Variants in WIZ observed in about 807,000 individuals in gnomAD.
WIZ encodes protein Wiz.
A neutral mutation model predicts 140.2 loss-of-function variants in WIZ; 25 were observed. The observed-to-expected ratio is 0.18, with a 90% CI of 0.13 to 0.25. WIZ has a LOEUF of 0.25. Among genes scored for constraint, WIZ ranks in the 10% least tolerant of loss-of-function variants. WIZ has a pLI of 1.00. For missense variants in WIZ, 2,231 were observed against 2,632.6 expected, an observed-to-expected ratio of 0.85 and a Z score of 3.34; for synonymous variants, 1,125 against 1,154.3, an observed-to-expected ratio of 0.97 and a Z score of 0.51.
In WIZ at chr19:15,424,739, C is replaced by T. The variant is rs776151852; in HGVS notation, c.5188G>A (p.Gly1730Ser). The T allele has an allele frequency of 2.2e-5, 35 of 1,569,176 alleles. No individual in the cohort carries two copies. Among genetic ancestry groups the T allele is most frequent in the Admixed American group, 2.2e-4 (12 of 55,644 alleles). ...GLAPGGLAVV[G>S]RSAGGEPGPE... The stretch of plus-strand genomic sequence containing the variant: ...CCTGGCTCCCCTCCGGCACTGCGGC[C>T]GACCACGGCCAGGCCCCCGGGTGCC... The change falls in exon 11 of 13, where the codon GGC (glycine) becomes AGC (serine). Residue 1730 changes from glycine to serine, a missense_variant. This residue lies in a region of WIZ where 299 missense variants were observed against 309.6 expected (regional missense o/e 0.97). Transcript: ENST00000673675. This position sits in a 1 kb window ranked among gnomAD's most constrained non-coding sequence, Gnocchi z 9.7.
chr19:15,445,676 G>A (rs978617096), intron 2 of WIZ, among the ~76,000 whole-genome samples: 4 of 152,124 alleles, frequency 2.6e-5, no homozygotes, highest in African/African-American at 7.2e-5. Flanking sequence ...ACTCTTCATC[G>A]ATCCATACAG....
chr19:15,426,833 T>TA, intron 9 of WIZ, 149 bp downstream of exon 9: 1 of 883,200 alleles, frequency 1.1e-6, no homozygotes, highest in Admixed American at 2.7e-5. Context: ...GGGGTCTGCA[T>TA]AGCAGGAATA....
chr19:15,436,751 G>A (rs1679867347), intron 5 of WIZ, 55 bp downstream of exon 5: 1 of 1,473,468 alleles, frequency 6.8e-7, no homozygotes, highest in East Asian at 2.6e-5. Context: ...CCCCTCCAAT[G>A]CTCTGGGCCC....
chr19:15,436,490 A>C (rs1969519269), intron 5 of WIZ: 1 of 293,116 alleles, frequency 3.4e-6, no homozygotes, highest in African/African-American at 2.2e-5. Context: ...GTGAGGATGT[A>C]AATGAGTTCA....
At position 15,437,052 on chromosome 19, in the gene WIZ, GGCCGGCCCGTGTGTCGAA is replaced by G; in HGVS notation, c.2476_2493del (p.Phe826_Gly831del). ...AGGTGGGCCCGGGCGTGGCTGGAGAGGCCGGCCCGTGTGTCGAAGCCAGCCCCGCAGAAGTCACAGCGC... is the reference window on the plus strand; with the variant it reads ...AGGTGGGCCCGGGCGTGGCTGGAGAGGCCAGCCCCGCAGAAGTCACAGCGC... On this transcript the variant is annotated inframe_deletion, in exon 5 of 13. Transcript: ENST00000673675. 6.2e-7 allele frequency: 1 copy of G among 1,613,512 alleles called. No individual in the cohort carries two copies. Among genetic ancestry groups the G allele is most frequent in the Non-Finnish European group, 8.5e-7 (1 of 1,179,804 alleles).
chr19:15,425,282 G>A lies in WIZ; in HGVS notation c.4853C>T (p.Pro1618Leu), dbSNP rs762951929. 8 of 1,592,000 alleles carry A rather than the reference G, an allele frequency of 5.0e-6. No homozygotes were observed. In the African/African-American group the frequency reaches 6.7e-5, roughly 13 times the overall value. ...CTCATGAAGGGTCTTTGCCTTGAAGGGCAGTTCAGTCTGGATGTAGGTCTT... is the reference window on the plus strand; with the variant it reads ...CTCATGAAGGGTCTTTGCCTTGAAGAGCAGTTCAGTCTGGATGTAGGTCTT... ...KAKTYIQTELPFKAKTLHEKT... is the reference protein window; with the variant it reads ...KAKTYIQTELLFKAKTLHEKT... The change falls in exon 10 of 13, where the codon CCC becomes CTC. Residue 1618 changes from proline (P) to leucine (L), a missense_variant. This residue lies in a region of WIZ where 393 missense variants were observed against 451.7 expected (regional missense o/e 0.87). Coordinates refer to ENST00000673675, the MANE Select transcript of WIZ (RefSeq NM_001371589.1).
chr19:15,426,912 AC>A (rs755950391), intron 9 of WIZ, 69 bp downstream of exon 9: 5 of 1,521,382 alleles, frequency 3.3e-6, no homozygotes, highest in South Asian at 1.3e-5. Flanking sequence ...CACTCTGGAT[AC>A]CCCCAAGGGG....
In WIZ at chr19:15,439,642, G is replaced by A. The variant is rs1236474616; in HGVS notation, c.1352C>T (p.Ala451Val). Residue 451 changes from alanine (A) to valine (V), a missense_variant, in exon 4 of 13, where the codon GCC becomes GTC. By Grantham distance (64) the Ala-to-Val change is moderately conservative. This residue lies in a region of WIZ where 475 missense variants were observed against 520.2 expected (regional missense o/e 0.91). Coordinates refer to ENST00000673675, the MANE Select transcript of WIZ (RefSeq NM_001371589.1). This position sits in a 1 kb window ranked among gnomAD's most constrained non-coding sequence, Gnocchi z 7.0. The part of the protein sequence containing the change: ...GAGSPSPEAS[A>V]LLYQPYGAAV... Reference sequence around the variant, plus strand: ...AGCTCCGTAGGGCTGATAGAGGAGGGCGCTGGCCTCAGGGCTGGGGCTGCC... The same window carrying A: ...AGCTCCGTAGGGCTGATAGAGGAGGACGCTGGCCTCAGGGCTGGGGCTGCC... The A allele has an allele frequency of 6.7e-7, 1 of 1,494,818 alleles. No individual in the cohort carries two copies. The highest frequency in any genetic ancestry group is 1.3e-5 in the South Asian group (1 of 78,952). The allele number at this position is 1,494,818 out of a possible 1,614,324, so 92.6% of individuals were successfully genotyped here.
In WIZ at chr19:15,442,127, C is replaced by T. The variant is rs954074872; in HGVS notation, c.278+549G>A. On this transcript the variant is annotated intron_variant, in intron 3 of 12. Coordinates refer to ENST00000673675, the MANE Select transcript of WIZ (RefSeq NM_001371589.1). The surrounding 1 kb of genome is among the most constrained non-coding windows in gnomAD (Gnocchi z 5.5). Reference sequence around the variant, plus strand: ...GCTTGAACCCAGGAGGTGGAGGTTGCAGTGAGCCAAGATCACGCCACTGCA... The same window carrying T: ...GCTTGAACCCAGGAGGTGGAGGTTGTAGTGAGCCAAGATCACGCCACTGCA... Among the ~76,000 whole-genome samples, 1 of 150,800 alleles carries T rather than the reference C, an allele frequency of 6.6e-6. No individual in the cohort carries two copies. The highest frequency in any genetic ancestry group is 1.5e-5 in the Non-Finnish European group (1 of 67,876).
chr19:15,443,010 G>GT lies in WIZ; in HGVS notation c.206-263dup, dbSNP rs370696730. On this transcript the variant is annotated intron_variant, in intron 2 of 12. Transcript: ENST00000673675. Reference sequence around the variant, plus strand: ...TTCCCCCAACCCAGCAGCCAGGGTGGTTTTTTACAAGCCTCACCCTGGTAA... The same window carrying GT: ...TTCCCCCAACCCAGCAGCCAGGGTGGTTTTTTTACAAGCCTCACCCTGGTAA... Among the ~76,000 whole-genome samples the GT allele has an allele frequency of 6.8e-4, 103 of 152,288 alleles. 1 individual carries two copies. The highest frequency in any genetic ancestry group is 2.2e-3 in the African/African-American group (92 of 41,566).
chr19:15,441,300 G>C (rs887426791), intron 3 of WIZ, among the ~76,000 whole-genome samples: 1 of 152,040 alleles, frequency 6.6e-6, no homozygotes, highest in African/African-American at 2.4e-5. Flanking sequence ...GGGCAGAGGG[G>C]TGGGAGTGGG....
chr19:15,445,982 C>T (rs1451677283), intron 2 of WIZ, among the ~76,000 whole-genome samples: 3 of 152,122 alleles, frequency 2.0e-5, no homozygotes, highest in Non-Finnish European at 2.9e-5. Flanking sequence ...GCCCGTGTCC[C>T]GGAGGGGGAG....
Position 15,424,643 on chromosome 19 carries a change from C to T in WIZ, c.5284G>A (p.Ala1762Thr). 2 of 1,593,454 alleles carry T rather than the reference C, an allele frequency of 1.3e-6. No individual in the cohort carries two copies. Among genetic ancestry groups the T allele is most frequent in the Middle Eastern group, 2.3e-4 (1 of 4,438 alleles). The change falls in exon 11 of 13, where the codon GCT becomes ACT. Residue 1762 changes from alanine to threonine, a missense_variant. By Grantham distance (58) the Ala-to-Thr change is moderately conservative. Coordinates refer to ENST00000673675, the MANE Select transcript of WIZ (RefSeq NM_001371589.1). The surrounding 1 kb of genome is among the most constrained non-coding windows in gnomAD (Gnocchi z 9.7). ...ATGTTCTGCCGCTGGTGCTCCTCAG[C>T]CTTCACGGTGCCTGGCGGGCTGGCT... is the stretch of plus-strand genomic sequence containing the variant. ...LAASPPGTVKAEEHQRQNINK... is the reference protein window; with the variant it reads ...LAASPPGTVKTEEHQRQNINK...
rs987780953 is a variant in WIZ at position 15,440,298 on chromosome 19, C to T, written c.696G>A (p.Ala232=). The change falls in exon 4 of 13, where the codon GCG becomes GCA. Residue 232 remains alanine (A), a synonymous_variant. Transcript: ENST00000673675. The surrounding 1 kb of genome is among the most constrained non-coding windows in gnomAD (Gnocchi z 6.2). ...VEDTPKTLDM[A]VVGGREDLED... is the part of the protein sequence containing the mutation. ...CCAGATCTTCTCTGCCACCCACCAC[C>T]GCCATGTCCAGCGTCTTCGGGGTGT... is the stretch of plus-strand genomic sequence containing the variant. The T allele has an allele frequency of 4.0e-5, 60 of 1,500,772 alleles. No individual in the cohort carries two copies. The highest frequency in any genetic ancestry group is 1.2e-4 in the African/African-American group (9 of 72,056). 93.0% of individuals were successfully genotyped at this position (1,500,772 alleles called of 1,614,324 possible). A position where few individuals can be genotyped will look rare whatever the true frequency, so the allele number is the denominator to read the frequency against.
chr19:15,447,503 C>T (rs961463139), intron 2 of WIZ, among the ~76,000 whole-genome samples: 1 of 152,242 alleles, frequency 6.6e-6, no homozygotes, highest in Non-Finnish European at 1.5e-5. Flanking sequence ...ATTCTTGCCT[C>T]TTTGGTTTAC....
At position 15,444,417 on chromosome 19, in the gene WIZ, T is replaced by C. The variant is rs1226094575; in HGVS notation, c.206-1669A>G. 2.6e-5 allele frequency among the ~76,000 whole-genome samples: 4 copies of C among 152,332 alleles called. No individual in the cohort carries two copies. In the South Asian group the frequency reaches 6.2e-4, roughly 24 times the overall value. On this transcript the variant is annotated intron_variant, in intron 2 of 12. Coordinates refer to ENST00000673675, the MANE Select transcript of WIZ (RefSeq NM_001371589.1). ...GCAAGGTGTCTCAACATCAGCACCATTGGCATTTGGGGCCAGATCATTTTC... is the reference window on the plus strand; with the variant it reads ...GCAAGGTGTCTCAACATCAGCACCACTGGCATTTGGGGCCAGATCATTTTC...
At chr19:15,426,855 C>A in intron 9 of WIZ, 127 bp downstream of exon 9, 1 of 1,138,612 alleles carries the variant, frequency 8.8e-7, no homozygotes, top group Non-Finnish European at 1.2e-6. Flanking sequence ...ACAGCTAACC[C>A]TGTGTCCTCT....
rs1968637842 is a variant in WIZ at position 15,424,920 on chromosome 19, A to G, written c.5007T>C (p.Asn1669=). Residue 1669 remains asparagine (N), a synonymous_variant, in exon 11 of 13, where the codon AAT becomes AAC. Transcript: ENST00000673675. This position sits in a 1 kb window ranked among gnomAD's most constrained non-coding sequence, Gnocchi z 9.7. The part of the protein sequence containing the change: ...RQFGVTEWCV[N]GSPIETLSEW... ...CGCTCAGTGTCTCGATGGGCGAGCC[A>G]TTGACGCACCACTCGGTCACGCCGA... The G allele has an allele frequency of 6.2e-7, 1 of 1,611,054 alleles. No individual in the cohort carries two copies. The highest frequency in any genetic ancestry group is 8.5e-7 in the Non-Finnish European group (1 of 1,179,356).
rs375506680 is a variant in WIZ, at chr19:15,424,162, C to T, written c.5510+21G>A. On this transcript the variant is annotated intron_variant, in intron 12 of 12. Coordinates refer to ENST00000673675, the MANE Select transcript of WIZ (RefSeq NM_001371589.1). This position sits in a 1 kb window ranked among gnomAD's most constrained non-coding sequence, Gnocchi z 9.7. ...AAGGTCCACTCAGGTGGTCTCCCTC[C>T]CTCCCCCAGGGGCAGCCTACCTGCA... 1.7e-5 allele frequency: 25 copies of T among 1,483,864 alleles called. No individual in the cohort carries two copies. Among genetic ancestry groups the T allele is most frequent in the Non-Finnish European group, 2.1e-5 (24 of 1,117,566 alleles). The allele number at this position is 1,483,864 out of a possible 1,614,324, so 91.9% of individuals were successfully genotyped here.
Sources: allele counts gnomAD v4.1 joint callset (sites outside exome capture counted in the v4.1 genomes callset), GRCh38; gene constraint gnomAD v4.1.1; regional missense constraint gnomAD v4.1.1; non-coding constraint Gnocchi (gnomAD v3.1); transcripts MANE v1.5; gene names NCBI Gene and HGNC (gene_info 2026-07-23, HGNC 2026-07-21).